Variants in KCNH8 observed in about 807,000 individuals in gnomAD.
KCNH8 encodes the protein voltage-gated delayed rectifier potassium channel KCNH8.
KCNH8 carries 70 observed loss-of-function variants against 103.6 expected under a neutral mutation model. That is an observed-to-expected ratio of 0.68 (90% CI 0.56 to 0.82). The LOEUF (loss-of-function observed/expected upper bound fraction) is 0.82. Ranked by LOEUF, KCNH8 falls within the 40% of genes least tolerant of loss-of-function variation. KCNH8 has a pLI of 0.00. For synonymous variants in KCNH8, 498 were observed against 489.4 expected, an observed-to-expected ratio of 1.02 and a Z score of -0.23; for missense variants, 1,217 against 1,329.9, an observed-to-expected ratio of 0.92 and a Z score of 1.32.
At chr3:19,249,188 T>C (rs1444554275) in intron 1 of KCNH8, among the ~76,000 whole-genome samples, 1 of 152,258 alleles carries the variant, frequency 6.6e-6, no homozygotes, top group East Asian at 1.9e-4. Flanking sequence ...GTAAGTATTA[T>C]GGCAGTGGCT....
chr3:19,363,303 T>C (rs1242247445), intron 5 of KCNH8, among the ~76,000 whole-genome samples: 1 of 152,174 alleles, frequency 6.6e-6, no homozygotes, highest in African/African-American at 2.4e-5. Context: ...ATCTTCTCTC[T>C]TCCAATCTTC....
intron 3 of KCNH8, among the ~76,000 whole-genome samples, chr3:19,332,822 G>T (rs531040619): frequency 6.6e-6 from 1 of 151,896 alleles, no homozygotes; most frequent in Admixed American, 6.6e-5. Flanking sequence ...CAGTAGAGAC[G>T]GGGTTTCATC....
chr3:19,273,564 G>C (rs1375775240), intron 2 of KCNH8, among the ~76,000 whole-genome samples: 1 of 152,150 alleles, frequency 6.6e-6, no homozygotes, highest in African/African-American at 2.4e-5. Context: ...ATCCTACACA[G>C]AGCTGCCATG....
At chr3:19,513,378 C>G in intron 13 of KCNH8, 53 bp downstream of exon 13, 1 of 1,522,576 alleles carries the variant, frequency 6.6e-7, no homozygotes. Flanking sequence ...GCCTTTTATA[C>G]AGAGTAGTAC....
At chr3:19,242,495 T>C (rs1452666459) in intron 1 of KCNH8, among the ~76,000 whole-genome samples, 6 of 152,148 alleles carry the variant, frequency 3.9e-5, no homozygotes, top group Non-Finnish European at 7.4e-5. Context: ...AAGCTAATTA[T>C]TGAAAATGTC....
chr3:19,163,521 G>A (rs1380345237), intron 1 of KCNH8, among the ~76,000 whole-genome samples: 1 of 152,038 alleles, frequency 6.6e-6, no homozygotes, highest in Non-Finnish European at 1.5e-5. Context: ...GGTTTTGGGT[G>A]TGCCTCAGAT....
At chr3:19,180,203 T>C (rs1340281002) in intron 1 of KCNH8, among the ~76,000 whole-genome samples, 8 of 149,784 alleles carry the variant, frequency 5.3e-5, no homozygotes, top group Admixed American at 5.3e-4. Flanking sequence ...CTTTGAGAGT[T>C]TTGTGAAGGC....
At chr3:19,522,142 G>A (rs1375390155) in intron 15 of KCNH8, among the ~76,000 whole-genome samples, 1 of 151,792 alleles carries the variant, frequency 6.6e-6, no homozygotes, top group Admixed American at 6.6e-5. Flanking sequence ...AACATACTAT[G>A]GAGAATAAAA....
At chr3:19,474,817 AT>A (rs1318398443) in intron 11 of KCNH8, among the ~76,000 whole-genome samples, 2 of 152,178 alleles carry the variant, frequency 1.3e-5, no homozygotes, top group African/African-American at 4.8e-5. Context: ...CCCGAGTCTG[AT>A]TATTGCTAAT....
intron 15 of KCNH8, among the ~76,000 whole-genome samples, chr3:19,520,514 C>T (rs575394799): frequency 6.6e-6 from 1 of 152,008 alleles, no homozygotes; most frequent in East Asian, 1.9e-4. Flanking sequence ...CCTCTTCTAA[C>T]CTATTTTTCT....
intron 3 of KCNH8, among the ~76,000 whole-genome samples, chr3:19,299,019 A>G (rs112909835): frequency 6.6e-6 from 1 of 152,018 alleles, no homozygotes; most frequent in Non-Finnish European, 1.5e-5. Flanking sequence ...GGAAGAGACA[A>G]AGCCTATGTT....
At chr3:19,192,310 T>C (rs1179097042) in intron 1 of KCNH8, among the ~76,000 whole-genome samples, 1 of 151,672 alleles carries the variant, frequency 6.6e-6, no homozygotes, top group East Asian at 1.9e-4. Context: ...CTCATGTTTG[T>C]TTTCATTTTT....
intron 1 of KCNH8, among the ~76,000 whole-genome samples, chr3:19,178,890 T>C (rs1347487549): frequency 6.6e-6 from 1 of 152,134 alleles, no homozygotes; most frequent in East Asian, 1.9e-4. Context: ...GGCTCACTCC[T>C]GAGGCAGGAG....
intron 11 of KCNH8, among the ~76,000 whole-genome samples, chr3:19,508,876 A>G (rs937180132): frequency 1.3e-5 from 2 of 152,220 alleles, no homozygotes; most frequent in African/African-American, 4.8e-5. Context: ...ACACAACTAG[A>G]AGCATACTCA....
At chr3:19,510,573 T>C (rs532518565) in intron 12 of KCNH8, among the ~76,000 whole-genome samples, 172 bp downstream of exon 12, 5 of 152,324 alleles carry the variant, frequency 3.3e-5, no homozygotes, top group East Asian at 1.9e-4. Context: ...TAGAGGAGAA[T>C]TGAAACTCAT....
At chr3:19,419,825 T>C (rs1023265454) in intron 7 of KCNH8, among the ~76,000 whole-genome samples, 15 of 152,128 alleles carry the variant, frequency 9.9e-5, no homozygotes, top group African/African-American at 2.9e-4. Context: ...ATTGAAGTAC[T>C]AAAGGCAAAA....
chr3:19,287,572 T>TTTGTTGTTGTTG (rs113159230), intron 3 of KCNH8, among the ~76,000 whole-genome samples: 95 of 150,786 alleles, frequency 6.3e-4, no homozygotes, highest in African/African-American at 2.2e-3. Flanking sequence ...CAGTCCACTT[T>TTTGTTGTTGTTG]TTGTTGTTGT....
chr3:19,273,633 G>A (rs1037991179), intron 2 of KCNH8, among the ~76,000 whole-genome samples: 4 of 152,170 alleles, frequency 2.6e-5, no homozygotes, highest in Non-Finnish European at 4.4e-5. Flanking sequence ...AACATACCGG[G>A]AGGCAGAAGC....
intron 11 of KCNH8, among the ~76,000 whole-genome samples, chr3:19,490,011 C>T (rs2068284925): frequency 1.3e-5 from 2 of 152,200 alleles, no homozygotes; most frequent in Admixed American, 1.3e-4. Context: ...TCCCGGTGTT[C>T]AGCCACTGCA....
Sources: allele counts gnomAD v4.1 joint callset (sites outside exome capture counted in the v4.1 genomes callset), GRCh38; gene constraint gnomAD v4.1.1; transcripts MANE v1.5; gene names NCBI Gene and HGNC (gene_info 2026-07-23, HGNC 2026-07-21).